The following FILIP1L variants were observed in gnomAD, a reference collection of about 807,000 sequenced individuals.
The protein encoded by FILIP1L is filamin A-interacting protein 1-like.
Under a neutral mutation model 96.6 loss-of-function variants are expected in FILIP1L, and 55 were observed. The ratio of observed to expected loss-of-function variants is 0.57; its 90% CI spans 0.46 to 0.71. The LOEUF is 0.71. Among genes scored for constraint, FILIP1L ranks in the 30% least tolerant of loss-of-function variants. FILIP1L has a pLI of 0.00. For synonymous variants in FILIP1L, 467 were observed against 473.9 expected (o/e 0.99, Z 0.19); for missense variants, 1,304 against 1,321.2 (o/e 0.99, Z 0.20).
Position 99,828,916 on chromosome 3 carries a change from TATCATCCCTCTCAATGCTGCCC to T in FILIP1L, c.*1476_*1497del, listed in dbSNP as rs879859859. ...GCCCATCATCCCTCTCAATGCTGCC[TATCATCCCTCTCAATGCTGCCC>T]ATCATCCCTCTCAATGCTGCCCATC... On this transcript the variant is annotated 3_prime_UTR_variant, in exon 6 of 6. Transcript: ENST00000477258. 2.6e-5 allele frequency among the ~76,000 whole-genome samples: 4 copies of T among 151,180 alleles called. No individual in the cohort carries two copies. Among genetic ancestry groups the T allele is most frequent in the Admixed American group, 6.6e-5 (1 of 15,174 alleles).
intron 1 of FILIP1L, among the ~76,000 whole-genome samples, chr3:100,012,177 A>G (rs192151604): frequency 3.2e-4 from 48 of 152,296 alleles, no homozygotes; most frequent in African/African-American, 1.2e-3. Context: ...TATAATGTCT[A>G]TATCTGTCTT....
intron 1 of FILIP1L, among the ~76,000 whole-genome samples, chr3:100,081,273 A>G (rs553468629): frequency 6.6e-6 from 1 of 152,300 alleles, no homozygotes; most frequent in East Asian, 1.9e-4. Flanking sequence ...TTTGTCAGCA[A>G]TAAAAATGGA....
intron 1 of FILIP1L, among the ~76,000 whole-genome samples, chr3:100,071,279 A>G (rs1221414721): frequency 2.0e-5 from 3 of 152,138 alleles, no homozygotes; most frequent in African/African-American, 7.2e-5. Context: ...CTACATAACT[A>G]GCTGGGTAAG....
At chr3:99,882,717 T>C (rs980172221) in intron 4 of FILIP1L, among the ~76,000 whole-genome samples, 3 of 152,132 alleles carry the variant, frequency 2.0e-5, no homozygotes, top group African/African-American at 7.2e-5. Context: ...CATGAAAAAA[T>C]GGCACAAACA....
At chr3:99,949,077 G>A (rs1708100428) in intron 1 of FILIP1L, among the ~76,000 whole-genome samples, 1 of 152,134 alleles carries the variant, frequency 6.6e-6, no homozygotes, top group Non-Finnish European at 1.5e-5. Context: ...AAATTTTGGT[G>A]AGTAAATTCC....
chr3:99,960,152 A>G (rs188340171), intron 1 of FILIP1L, among the ~76,000 whole-genome samples: 1 of 152,290 alleles, frequency 6.6e-6, no homozygotes. Context: ...CAACCTGCCA[A>G]GTACCGGAGA....
At chr3:99,874,002 T>C (rs1158647719) in intron 4 of FILIP1L, among the ~76,000 whole-genome samples, 1 of 152,238 alleles carries the variant, frequency 6.6e-6, no homozygotes, top group Non-Finnish European at 1.5e-5. Flanking sequence ...AAATTGCTCA[T>C]CCAAAGAGCC....
chr3:99,856,464 A>G (rs1943971738), intron 4 of FILIP1L, among the ~76,000 whole-genome samples: 1 of 152,244 alleles, frequency 6.6e-6, no homozygotes, highest in African/African-American at 2.4e-5. Flanking sequence ...ACAGCATTAT[A>G]GGAACATTCA....
chr3:100,086,421 GAA>G (rs374149787), intron 1 of FILIP1L, among the ~76,000 whole-genome samples: 6 of 151,696 alleles, frequency 4.0e-5, no homozygotes, highest in Admixed American at 2.0e-4. Context: ...CATAAAGGGG[GAA>G]AAAAAATCCA....
intron 1 of FILIP1L, among the ~76,000 whole-genome samples, chr3:100,064,211 G>A (rs941711726): frequency 2.6e-5 from 4 of 152,168 alleles, no homozygotes; most frequent in East Asian, 3.8e-4. Flanking sequence ...TATTTAGGAC[G>A]TGTGGTGGAT....
At chr3:99,879,777 C>CA (rs1424284489) in intron 4 of FILIP1L, among the ~76,000 whole-genome samples, 1 of 152,112 alleles carries the variant, frequency 6.6e-6, no homozygotes, top group Non-Finnish European at 1.5e-5. Flanking sequence ...TATATGGAAA[C>CA]ACTGTCATGT....
At chr3:100,086,373 A>G (rs1192505870) in intron 1 of FILIP1L, among the ~76,000 whole-genome samples, 1 of 152,190 alleles carries the variant, frequency 6.6e-6, no homozygotes, top group Non-Finnish European at 1.5e-5. Context: ...CTACTGAGAA[A>G]TGTCTTGGAA....
intron 1 of FILIP1L, among the ~76,000 whole-genome samples, chr3:99,960,326 G>A (rs968597938): frequency 6.6e-6 from 1 of 152,000 alleles, no homozygotes; most frequent in East Asian, 1.9e-4. Flanking sequence ...TGAGGAAAAC[G>A]AGGGCTCCAA....
intron 5 of FILIP1L, among the ~76,000 whole-genome samples, chr3:99,841,448 C>T (rs914149786): frequency 1.3e-4 from 20 of 152,182 alleles, no homozygotes; most frequent in Non-Finnish European, 2.6e-4. Context: ...AAGGTCCTCT[C>T]TCGGAAGTCT....
At chr3:99,914,299 G>A (rs1162662802) in intron 4 of FILIP1L, among the ~76,000 whole-genome samples, 1 of 152,054 alleles carries the variant, frequency 6.6e-6, no homozygotes, top group African/African-American at 2.4e-5. Flanking sequence ...TTTTATTTTT[G>A]GAAGACCAGT....
intron 4 of FILIP1L, among the ~76,000 whole-genome samples, chr3:99,866,040 C>T (rs776804741): frequency 5.3e-5 from 8 of 152,064 alleles, no homozygotes; most frequent in Non-Finnish European, 8.8e-5. Flanking sequence ...GATTCCTTCT[C>T]TTAACCTCTA....
At chr3:100,068,920 A>G (rs758789816) in intron 1 of FILIP1L, among the ~76,000 whole-genome samples, 6 of 152,206 alleles carry the variant, frequency 3.9e-5, no homozygotes, top group Non-Finnish European at 7.4e-5. Context: ...AAGAAAGTTC[A>G]GCTTGCTCTC....
At chr3:100,091,834 G>A (rs1472842347) in intron 1 of FILIP1L, among the ~76,000 whole-genome samples, 1 of 152,122 alleles carries the variant, frequency 6.6e-6, no homozygotes, top group Non-Finnish European at 1.5e-5. Flanking sequence ...TGATTCACAG[G>A]TACATTGTTC....
At chr3:100,096,979 T>C (rs1459877040) in intron 1 of FILIP1L, among the ~76,000 whole-genome samples, 1 of 152,188 alleles carries the variant, frequency 6.6e-6, no homozygotes, top group East Asian at 1.9e-4. Flanking sequence ...GCATTTATAT[T>C]GCATTACACC....
Sources: allele counts gnomAD v4.1 joint callset (sites outside exome capture counted in the v4.1 genomes callset), GRCh38; gene constraint gnomAD v4.1.1; transcripts MANE v1.5; gene names NCBI Gene and HGNC (gene_info 2026-07-23, HGNC 2026-07-21).